RTN1: variants seen among roughly 807,000 people sequenced by gnomAD.
RTN1 encodes the protein reticulon 1.
RTN1 carries 25 observed loss-of-function variants against 65.5 expected under a neutral mutation model. The ratio of observed to expected loss-of-function variants is 0.38; its 90% CI spans 0.28 to 0.53. The LOEUF is 0.53. Ranked by LOEUF, RTN1 falls within the 20% of genes least tolerant of loss-of-function variation. RTN1 has a pLI of 0.79. For missense variants in RTN1, 983 were observed against 1,025.4 expected (o/e 0.96, Z 0.57); for synonymous variants, 471 against 447.6 (o/e 1.05, Z -0.66).
At chr14:59,679,464 T>G (rs1354025363) in intron 3 of RTN1, among the ~76,000 whole-genome samples, 2 of 152,224 alleles carry the variant, frequency 1.3e-5, no homozygotes, top group Non-Finnish European at 2.9e-5. Flanking sequence ...TCTTTATTTC[T>G]TCTCTATGCC....
intron 3 of RTN1, among the ~76,000 whole-genome samples, chr14:59,661,957 A>C (rs1048362075): frequency 6.6e-6 from 1 of 152,186 alleles, no homozygotes; most frequent in African/African-American, 2.4e-5. Context: ...GAGGAAGTCA[A>C]ATTGTCCCTG....
Position 59,829,185 on chromosome 14 carries a change from A to C in RTN1, c.241+41205T>G, listed in dbSNP as rs781094303. On this transcript the variant is annotated intron_variant, in intron 1 of 8. Coordinates refer to ENST00000267484, the MANE Select transcript of RTN1 (RefSeq NM_021136.3). This position sits in a 1 kb window ranked among gnomAD's most constrained non-coding sequence, Gnocchi z 4.3. Reference sequence around the variant, plus strand: ...AACATTTTAAAGTGCCTTCTACAACAATGTTTTGGGAGGGATTTAAGGATG... The same window carrying C: ...AACATTTTAAAGTGCCTTCTACAACCATGTTTTGGGAGGGATTTAAGGATG... 6.6e-6 allele frequency among the ~76,000 whole-genome samples: 1 copy of C among 152,154 alleles called. No homozygotes were observed. Among genetic ancestry groups the C allele is most frequent in the Non-Finnish European group, 1.5e-5 (1 of 68,040 alleles).
At chr14:59,614,341 CA>C (rs964157684) in intron 3 of RTN1, among the ~76,000 whole-genome samples, 1 of 152,008 alleles carries the variant, frequency 6.6e-6, no homozygotes, top group Non-Finnish European at 1.5e-5. Flanking sequence ...ACCCTGAAGC[CA>C]GTCATCCAAT....
chr14:59,842,723 C>A (rs147178811), intron 1 of RTN1, among the ~76,000 whole-genome samples: 3 of 152,152 alleles, frequency 2.0e-5, no homozygotes, highest in African/African-American at 7.2e-5. Context: ...AAACTATACC[C>A]TTAAAATGAG....
At chr14:59,812,299 G>A (rs1886744066) in intron 1 of RTN1, among the ~76,000 whole-genome samples, 1 of 152,158 alleles carries the variant, frequency 6.6e-6, no homozygotes, top group African/African-American at 2.4e-5. Context: ...AACTTCATAA[G>A]TGATGGAATT....
chr14:59,688,069 C>T (rs1417075582), intron 3 of RTN1, among the ~76,000 whole-genome samples: 2 of 151,970 alleles, frequency 1.3e-5, no homozygotes, highest in East Asian at 3.9e-4. Context: ...GAACAGAAGC[C>T]TGAGCTGCCC....
At chr14:59,861,994 A>G (rs1027102310) in intron 1 of RTN1, among the ~76,000 whole-genome samples, 39 of 152,132 alleles carry the variant, frequency 2.6e-4, no homozygotes, top group Admixed American at 2.6e-3. Flanking sequence ...TACCTCGTAT[A>G]ATGTGCACCT....
chr14:59,611,244 C>T (rs111542865), intron 3 of RTN1, among the ~76,000 whole-genome samples: 109 of 152,148 alleles, frequency 7.2e-4, no homozygotes, highest in African/African-American at 2.6e-3. Context: ...GGCTACCTGC[C>T]TGTGGTTCAA....
intron 1 of RTN1, among the ~76,000 whole-genome samples, chr14:59,865,386 A>G (rs1489127928): frequency 6.6e-6 from 1 of 152,216 alleles, no homozygotes; most frequent in Non-Finnish European, 1.5e-5. Flanking sequence ...TTGGATGTGA[A>G]GAACTGATCT....
At chr14:59,826,657 C>T (rs1887036511) in intron 1 of RTN1, among the ~76,000 whole-genome samples, 1 of 152,136 alleles carries the variant, frequency 6.6e-6, no homozygotes, top group Non-Finnish European at 1.5e-5. Context: ...TGTTTTTAGC[C>T]AGAAATTCAA....
At chr14:59,619,603 A>C (rs1254079344) in intron 3 of RTN1, among the ~76,000 whole-genome samples, 1 of 152,168 alleles carries the variant, frequency 6.6e-6, no homozygotes, top group Non-Finnish European at 1.5e-5. Flanking sequence ...GGAAACGATG[A>C]CTGCAGCCAT....
intron 3 of RTN1, among the ~76,000 whole-genome samples, chr14:59,684,162 T>C (rs1007740525): frequency 1.3e-5 from 2 of 152,096 alleles, no homozygotes; most frequent in Non-Finnish European, 2.9e-5. Context: ...CTTCTAACTT[T>C]TTTTATTTTT....
In RTN1 at chr14:59,726,916, T is replaced by C. The variant is rs1200625954; in HGVS notation, c.1765+3A>G. ...CCAAGCATCCCTGCTTGGGATCCTT[T>C]ACCTTTTTGCTTATTGAGAAACAGC... On this transcript the variant is annotated splice_donor_region_variant and intron_variant, in intron 3 of 8. Transcript: ENST00000267484. The C allele has an allele frequency of 1.9e-6, 3 of 1,610,038 alleles. No individual in the cohort carries two copies. The highest frequency in any genetic ancestry group is 2.5e-6 in the Non-Finnish European group (3 of 1,178,192).
At chr14:59,856,252 T>A (rs751539104) in intron 1 of RTN1, among the ~76,000 whole-genome samples, 1 of 152,154 alleles carries the variant, frequency 6.6e-6, no homozygotes, top group Non-Finnish European at 1.5e-5. Context: ...AGAGACTCCA[T>A]CTTTCTAGAG....
At chr14:59,848,090 C>T (rs1208364197) in intron 1 of RTN1, among the ~76,000 whole-genome samples, 1 of 152,262 alleles carries the variant, frequency 6.6e-6, no homozygotes, top group African/African-American at 2.4e-5. Context: ...ATTTTGAAGG[C>T]CTAGAGTTGA....
In RTN1 at chr14:59,745,819, C is replaced by T. The variant is rs1885205326; in HGVS notation, c.904G>A (p.Glu302Lys). Residue 302 changes from glutamate to lysine, a missense_variant, in exon 2 of 9, where the codon GAG becomes AAG. Coordinates refer to ENST00000267484, the MANE Select transcript of RTN1 (RefSeq NM_021136.3). ...VETTTQEKTP[E>K]KQDICLKPSP... ...GGCTTTAGACATATATCTTGCTTCTCAGGGGTCTTCTCTTGGGTAGTGGTT... is the reference window on the plus strand; with the variant it reads ...GGCTTTAGACATATATCTTGCTTCTTAGGGGTCTTCTCTTGGGTAGTGGTT... 3.7e-6 allele frequency: 6 copies of T among 1,613,988 alleles called. No homozygotes were observed. Among genetic ancestry groups the T allele is most frequent in the Non-Finnish European group, 5.1e-6 (6 of 1,180,010 alleles).
rs769562447 is a variant in RTN1, at chr14:59,642,131, G to GT, written c.1766-34640dup. On this transcript the variant is annotated intron_variant, in intron 3 of 8. Transcript: ENST00000267484. ...CATTGGGCAGAGGTTTAATTTGGCA[G>GT]TTTTTTTCTTTCAGCAATTTAAATA... Among the ~76,000 whole-genome samples the GT allele has an allele frequency of 1.7e-4, 26 of 152,118 alleles. No individual in the cohort carries two copies. The South Asian group carries it at 1.9e-3, about 11-fold the overall frequency.
At chr14:59,743,463 A>G (rs1386699507) in intron 2 of RTN1, among the ~76,000 whole-genome samples, 1 of 152,206 alleles carries the variant, frequency 6.6e-6, no homozygotes, top group Non-Finnish European at 1.5e-5. Context: ...CAGAACACCA[A>G]GTATCTTTAC....
intron 3 of RTN1, among the ~76,000 whole-genome samples, chr14:59,677,655 G>A (rs975486994): frequency 6.6e-5 from 10 of 152,264 alleles, no homozygotes; most frequent in South Asian, 2.1e-4. Flanking sequence ...AAGAACAGGC[G>A]TAATTATTTT....
Sources: allele counts gnomAD v4.1 joint callset (sites outside exome capture counted in the v4.1 genomes callset), GRCh38; gene constraint gnomAD v4.1.1; non-coding constraint Gnocchi (gnomAD v3.1); transcripts MANE v1.5; gene names NCBI Gene and HGNC (gene_info 2026-07-23, HGNC 2026-07-21).